Variants in OPLAH observed in about 807,000 individuals in gnomAD.
OPLAH encodes 5-oxoprolinase.
A neutral mutation model predicts 122.8 loss-of-function variants in OPLAH; 103 were observed. That is an observed-to-expected ratio of 0.84 (90% confidence interval 0.71 to 0.99). OPLAH has a LOEUF of 0.99. Ranked by LOEUF, OPLAH falls within the 50% of genes least tolerant of loss-of-function variation. The pLI is 0.00. For synonymous variants in OPLAH, 875 were observed against 796.0 expected (o/e 1.10, Z -1.67); for missense variants, 1,902 against 1,836.5 (o/e 1.04, Z -0.65).
chr8:144,057,311 G>T lies in OPLAH; in HGVS notation c.1432C>A (p.His478Asn), dbSNP rs764253182. The T allele has an allele frequency of 1.2e-6, 2 of 1,611,692 alleles. No individual in the cohort carries two copies. The highest frequency in any genetic ancestry group is 2.2e-5 in the East Asian group (1 of 44,876). Residue 478 changes from histidine to asparagine, a missense_variant, in exon 11 of 27, where the codon CAT (histidine) becomes AAT (asparagine). Physicochemically the swap from His to Asn is moderately conservative, Grantham distance 68. Transcript: ENST00000618853. ...GCCAGCACATGGGCTGAGGGGTCATGGCCTCTTGCCTAGGGAGACAGAAGG... is the reference window on the plus strand; with the variant it reads ...GCCAGCACATGGGCTGAGGGGTCATTGCCTCTTGCCTAGGGAGACAGAAGG... Reference protein sequence around the residue: ...PIRALTQARGHDPSAHVLACF... With the variant: ...PIRALTQARGNDPSAHVLACF...
In OPLAH at chr8:144,058,937, G is replaced by T. The variant is rs1184995647; in HGVS notation, c.464-41C>A. The T allele has an allele frequency of 1.9e-6, 3 of 1,555,584 alleles. No individual in the cohort carries two copies. The East Asian group carries it at 7.3e-5, about 38-fold the overall frequency. ...AGGAGGCCCCGTTAAAGGCCAGCAG[G>T]ACCCTCCGGCCCCAAATCCCACAGC... On this transcript the variant is annotated intron_variant, in intron 4 of 26. Coordinates refer to ENST00000618853, the MANE Select transcript of OPLAH (RefSeq NM_017570.5).
In OPLAH at chr8:144,059,954, C is replaced by G; in HGVS notation, c.79G>C (p.Gly27Arg). Residue 27 changes from glycine to arginine, a missense_variant, in exon 2 of 27, where the codon GGG (glycine) becomes CGG (arginine). Around this residue, in one of 3 missense-constraint regions of OPLAH, gnomAD observed 168 missense variants for 170.6 expected, o/e 0.98. Transcript: ENST00000618853. ...AGTTTTAAGACCCGCACGTGCCCCCCTGGGCACTGGGCAAAGACGTCTGTG... is the reference window on the plus strand; with the variant it reads ...AGTTTTAAGACCCGCACGTGCCCCCGTGGGCACTGGGCAAAGACGTCTGTG... ...TFTDVFAQCP[G>R]GHVRVLKLLS... 1 of 1,612,788 alleles carries G rather than the reference C, an allele frequency of 6.2e-7. No homozygotes were observed. The highest frequency in any genetic ancestry group is 8.5e-7 in the Non-Finnish European group (1 of 1,179,836).
chr8:144,056,669 G>C lies in OPLAH; in HGVS notation c.1793C>G (p.Ala598Gly). The change falls in exon 13 of 27, where the codon GCC becomes GGC. Residue 598 changes from alanine (A) to glycine (G), a missense_variant. By Grantham distance (60) the Ala-to-Gly change is moderately conservative. Around this residue, in one of 3 missense-constraint regions of OPLAH, gnomAD observed 1,726 missense variants for 1,642.1 expected, o/e 1.05. Transcript: ENST00000618853. ...CCCCGCACGGGGCGAGCGGGCTGTG[G>C]CTGGGTGCTGGTGGGCAGACACCAT... ...ALMVSAHQHP[A>G]TARSPRAGDF... The C allele has an allele frequency of 6.2e-7, 1 of 1,611,854 alleles. No individual in the cohort carries two copies.
chr8:144,053,130 C>CT lies in OPLAH; in HGVS notation c.2872-2dup. 4 of 1,607,404 alleles carry CT rather than the reference C, an allele frequency of 2.5e-6. No individual in the cohort carries two copies. Among genetic ancestry groups the CT allele is most frequent in the Non-Finnish European group, 3.4e-6 (4 of 1,177,592 alleles). Reference sequence around the variant, plus strand: ...CTCGCACGGCCAGCTCAGCGTTTGCCTGGCAGGGAGCAGGATCAGTGGTGG... The same window carrying CT: ...CTCGCACGGCCAGCTCAGCGTTTGCCTTGGCAGGGAGCAGGATCAGTGGTGG... On this transcript the variant is annotated splice_acceptor_variant, in intron 20 of 26. Coordinates refer to ENST00000618853, the MANE Select transcript of OPLAH (RefSeq NM_017570.5). LOFTEE classifies it high-confidence loss of function.
In OPLAH at chr8:144,059,026, G is replaced by T. The variant is rs554575346; in HGVS notation, c.417C>A (p.Arg139=). ...LYEEVLEVDE[R]VVLHRGEAGT... The stretch of plus-strand genomic sequence containing the variant: ...CCGCCTCTCCACGGTGCAGCACCAC[G>T]CGTTCGTCCACCTCCAGCACCTCTT... Residue 139 remains arginine, a synonymous_variant, in exon 4 of 27, where the codon CGC becomes CGA. Transcript: ENST00000618853. 16 of 1,588,856 alleles carry T rather than the reference G, an allele frequency of 1.0e-5. No individual in the cohort carries two copies. The highest frequency in any genetic ancestry group is 1.7e-6 in the Non-Finnish European group (2 of 1,169,386).
rs782657860 is a variant in OPLAH, at chr8:144,056,941, A to AGCCCACCTGGGGAAGCCCTGGGC, written c.1690_1706+6dup. ...AGCCCTCTGTCCAGGGCACCCTGGG[A>AGCCCACCTGGGGAAGCCCTGGGC]GCCCACCTGGGGAAGCCCTGGGCCT... is the stretch of plus-strand genomic sequence containing the variant. On this transcript the variant is annotated splice_region_variant and intron_variant, in intron 12 of 26. Transcript: ENST00000618853. 428 of 1,566,498 alleles carry AGCCCACCTGGGGAAGCCCTGGGC rather than the reference A, an allele frequency of 2.7e-4. No homozygotes were observed. The highest frequency in any genetic ancestry group is 3.4e-4 in the Non-Finnish European group (395 of 1,159,388).
chr8:144,055,753 C>T lies in OPLAH; in HGVS notation c.2248+35G>A, dbSNP rs1835496286. The T allele has an allele frequency of 2.7e-6, 4 of 1,473,858 alleles. No individual in the cohort carries two copies. The highest frequency in any genetic ancestry group is 3.6e-6 in the Non-Finnish European group (4 of 1,105,380). The allele number at this position is 1,473,858 out of a possible 1,614,324, so 91.3% of individuals were successfully genotyped here. On this transcript the variant is annotated intron_variant, in intron 16 of 26. Transcript: ENST00000618853. This position sits in a 1 kb window ranked among gnomAD's most constrained non-coding sequence, Gnocchi z 6.5. ...AGCTACCCCATGACACAGCCGGCGCCTCATCCCACAGGGAGCCTGGCAGCG... is the reference window on the plus strand; with the variant it reads ...AGCTACCCCATGACACAGCCGGCGCTTCATCCCACAGGGAGCCTGGCAGCG...
Position 144,052,443 on chromosome 8 carries a change from C to T in OPLAH, c.3303+6G>A, listed in dbSNP as rs1321366807. On this transcript the variant is annotated splice_donor_region_variant and intron_variant, in intron 23 of 26. Coordinates refer to ENST00000618853, the MANE Select transcript of OPLAH (RefSeq NM_017570.5). ...CCCCCGAGCTGCGCCCACCCCGCCC[C>T]CGCACCTGGGAGGCGGCGCAGGCCC... 3.3e-6 allele frequency: 5 copies of T among 1,534,448 alleles called. No homozygotes were observed. The African/African-American group carries it at 4.1e-5, about 13-fold the overall frequency.
chr8:144,060,694 C>A (rs1247737969), upstream of OPLAH: 2 of 152,090 alleles, frequency 1.3e-5, no homozygotes, highest in African/African-American at 4.8e-5. Context: ...GTCGGCTCTG[C>A]CTGCGCTCCC....
At chr8:144,051,677 G>T (rs1332358014) in intron 26 of OPLAH, 52 bp downstream of exon 26, 2 of 1,421,086 alleles carry the variant, frequency 1.4e-6, no homozygotes, top group East Asian at 2.4e-5. Context: ...CTGTGGGATG[G>T]GGCCGGGAGG....
At position 144,059,992 on chromosome 8, in the gene OPLAH, C is replaced by G. The variant is rs781812903; in HGVS notation, c.41G>C (p.Arg14Pro). 47 of 1,612,580 alleles carry G rather than the reference C, an allele frequency of 2.9e-5. No homozygotes were observed. The highest frequency in any genetic ancestry group is 4.2e-6 in the Non-Finnish European group (5 of 1,179,802). ...AAAGACGTCTGTGAAGGTACCCCCACGGTCGATGGCAAAGTGGAAGCGGCC... is the reference window on the plus strand; with the variant it reads ...AAAGACGTCTGTGAAGGTACCCCCAGGGTCGATGGCAAAGTGGAAGCGGCC... Reference protein sequence around the residue: ...PEGRFHFAIDRGGTFTDVFAQ... With the variant: ...PEGRFHFAIDPGGTFTDVFAQ... Residue 14 changes from arginine (R) to proline (P), a missense_variant, in exon 2 of 27, where the codon CGT (arginine) becomes CCT (proline). This residue lies in a region of OPLAH where 168 missense variants were observed against 170.6 expected (regional missense o/e 0.98). Coordinates refer to ENST00000618853, the MANE Select transcript of OPLAH (RefSeq NM_017570.5).
Position 144,058,968 on chromosome 8 carries a change from C to T in OPLAH, c.463+12G>A, listed in dbSNP as rs373093780. ...CCGGCCCCAAATCCCACAGCAGCGG[C>T]GGCACACACACCTTTCACAGGCGTC... On this transcript the variant is annotated intron_variant, in intron 4 of 26. Coordinates refer to ENST00000618853, the MANE Select transcript of OPLAH (RefSeq NM_017570.5). 1.2e-4 allele frequency: 192 copies of T among 1,560,180 alleles called. No homozygotes were observed. The highest frequency in any genetic ancestry group is 8.2e-5 in the African/African-American group (6 of 73,450).
In OPLAH at chr8:144,058,122, C is replaced by T; in HGVS notation, c.976G>A (p.Ala326Thr). ...GGTSTDVSRY[A>T]GEFEHVFEAS... ...TCGAAGACGTGCTCGAATTCCCCAG[C>T]ATAGCGGCTCACATCCGTGGACGTG... The change falls in exon 8 of 27, where the codon GCT becomes ACT. Residue 326 changes from alanine (A) to threonine (T), a missense_variant. Physicochemically the swap from Ala to Thr is moderately conservative, Grantham distance 58 (BLOSUM62 0). Transcript: ENST00000618853. The T allele has an allele frequency of 6.2e-7, 1 of 1,612,498 alleles. No homozygotes were observed. Among genetic ancestry groups the T allele is most frequent in the East Asian group, 2.2e-5 (1 of 44,878 alleles).
chr8:144,057,167 C>G (rs930510834), intron 11 of OPLAH, 41 bp downstream of exon 11: 1 of 1,599,924 alleles, frequency 6.3e-7, no homozygotes. Context: ...CCAAGCCCGG[C>G]GCAGATCACA....
Position 144,059,715 on chromosome 8 carries a change from C to T in OPLAH, c.247G>A (p.Val83Met). The T allele has an allele frequency of 6.2e-7, 1 of 1,611,668 alleles. No individual in the cohort carries two copies. Among genetic ancestry groups the T allele is most frequent in the East Asian group, 2.2e-5 (1 of 44,878 alleles). Residue 83 changes from valine to methionine, a missense_variant, in exon 3 of 27, where the codon GTG (valine) becomes ATG (methionine). Around this residue, in one of 3 missense-constraint regions of OPLAH, gnomAD observed 168 missense variants for 170.6 expected, o/e 0.98. Coordinates refer to ENST00000618853, the MANE Select transcript of OPLAH (RefSeq NM_017570.5). ...CGCTCCAGCAGTGCGTTGGTGGCCA[C>T]TGTGGTGCCCATGCGGATGCTGGCG... ...HIASIRMGTT[V>M]ATNALLERKG...
chr8:144,057,780 T>C, intron 9 of OPLAH, 67 bp from the exon 10 acceptor site: 1 of 1,608,814 alleles, frequency 6.2e-7, no homozygotes, highest in Non-Finnish European at 8.5e-7. Flanking sequence ...GCAGCAGGGA[T>C]AGGGCTGACA....
At position 144,051,482 on chromosome 8, in the gene OPLAH, C is replaced by CGGGGGGG. The variant is rs782568024; in HGVS notation, c.3721-17_3721-11dup. On this transcript the variant is annotated splice_polypyrimidine_tract_variant and intron_variant, in intron 26 of 26. Transcript: ENST00000618853. ...GGAGACAGAACACATCCTGTTGGCG[C>CGGGGGGG]GGGGGGGGGCGGGGAGGCGGGCTCA... 36 of 279,828 alleles carry CGGGGGGG rather than the reference C, an allele frequency of 1.3e-4. No individual in the cohort carries two copies. The African/African-American group carries it at 1.9e-3, about 15-fold the overall frequency. The allele number at this position is 279,828 out of a possible 1,614,324, so 17.3% of individuals were successfully genotyped here. A position where few individuals can be genotyped will look rare whatever the true frequency, so the allele number is the denominator to read the frequency against.
rs782051228 is a variant in OPLAH, at chr8:144,053,028, G to C, written c.2973C>G (p.Asp991Glu). Residue 991 changes from aspartate (D) to glutamate (E), a missense_variant, in exon 21 of 27, where the codon GAC becomes GAG. Around this residue, in one of 3 missense-constraint regions of OPLAH, gnomAD observed 1,726 missense variants for 1,642.1 expected, o/e 1.05. Transcript: ENST00000618853. ...CACGGAGGCGGATGGGGGAACCGTC[G>C]TCCATGTGGTCTTCCGAGGACACCT... Reference protein sequence around the residue: ...PLEVSSEDHMDDGSPIRLRVQ... With the variant: ...PLEVSSEDHMEDGSPIRLRVQ... The C allele has an allele frequency of 1.9e-6, 3 of 1,602,928 alleles. No individual in the cohort carries two copies. The African/African-American group carries it at 4.0e-5, about 21-fold the overall frequency.
At position 144,054,638 on chromosome 8, in the gene OPLAH, TG is replaced by T. The variant is rs781956288; in HGVS notation, c.2608del (p.His870ThrfsTer28). On this transcript the variant is annotated frameshift_variant, in exon 19 of 27. Transcript: ENST00000618853. LOFTEE classifies it high-confidence loss of function. ...GGITPGSMPP[H>X]STMLQQEGAV... ...ACCCTCCTGTTGCAGCATGGTGGAGTGGGGGGGCATGGAGCCTGGTGTGATG... is the reference window on the plus strand; with the variant it reads ...ACCCTCCTGTTGCAGCATGGTGGAGTGGGGGGCATGGAGCCTGGTGTGATG... 1.1e-5 allele frequency: 17 copies of T among 1,610,538 alleles called. No homozygotes were observed. Among genetic ancestry groups the T allele is most frequent in the Admixed American group, 5.0e-5 (3 of 59,914 alleles).
Sources: gnomAD v4.1 joint callset for allele counts on GRCh38, gnomAD v4.1.1 for gene constraint, gnomAD v4.1.1 regional missense constraint, Gnocchi (gnomAD v3.1) non-coding constraint, MANE v1.5 for transcripts, NCBI Gene and HGNC (gene_info 2026-07-23, HGNC 2026-07-21) for gene names.